The following PDSS2 variants were observed in gnomAD, a reference collection of about 807,000 sequenced individuals.
PDSS2 encodes the protein all trans-polyprenyl-diphosphate synthase PDSS2.
In PDSS2, 31 loss-of-function variants were observed where a neutral mutation model predicts 44.5. The observed-to-expected ratio is 0.70, with a 90% CI of 0.52 to 0.94. The LOEUF (loss-of-function observed/expected upper bound fraction) is 0.94. Among genes scored for constraint, PDSS2 ranks in the 40% least tolerant of loss-of-function variants. The pLI is 0.00. For missense variants in PDSS2, 452 were observed against 482.2 expected, an observed-to-expected ratio of 0.94 and a Z score of 0.59; for synonymous variants, 157 against 180.3, an observed-to-expected ratio of 0.87 and a Z score of 1.03.
intron 1 of PDSS2, among the ~76,000 whole-genome samples, chr6:107,444,559 T>C (rs1355791930): frequency 6.6e-6 from 1 of 152,166 alleles, no homozygotes; most frequent in Non-Finnish European, 1.5e-5. Flanking sequence ...CCTCAAATAT[T>C]TGTGGAATGA....
Position 107,396,681 on chromosome 6 carries a change from T to TC in PDSS2, c.296+62308_296+62309insG, listed in dbSNP as rs1554276009. ...TCTTTTTTTCCTCTTCTTTTTTCTT[T>TC]TTTTTTTTTTTTTTTTTTTGAGACA... On this transcript the variant is annotated intron_variant, in intron 1 of 7. Transcript: ENST00000369037. Among the ~76,000 whole-genome samples, 439 of 60,186 alleles carry TC rather than the reference T, an allele frequency of 7.3e-3. 11 individuals are homozygous for TC. The highest frequency in any genetic ancestry group is 0.021 in the Non-Finnish European group (327 of 15,696). 39.5% of individuals were successfully genotyped at this position (60,186 alleles called of 152,430 possible).
chr6:107,426,661 A>G (rs1338553817), intron 1 of PDSS2, among the ~76,000 whole-genome samples: 2 of 152,220 alleles, frequency 1.3e-5, no homozygotes, highest in African/African-American at 4.8e-5. Context: ...CCACAGGGGC[A>G]GAGCTGCCCA....
At chr6:107,163,706 G>A (rs1554247106) in intron 7 of PDSS2, among the ~76,000 whole-genome samples, 8 of 151,706 alleles carry the variant, frequency 5.3e-5, no homozygotes. Flanking sequence ...GGGTTCCAGC[G>A]ATTCTCCTGC....
At chr6:107,299,214 T>TCTCAGAA (rs1776617398) in intron 2 of PDSS2, among the ~76,000 whole-genome samples, 1 of 143,024 alleles carries the variant, frequency 7.0e-6, no homozygotes, top group South Asian at 2.2e-4. Flanking sequence ...AAAAAAACCC[T>TCTCAGAA]CTCAGAACAT....
intron 1 of PDSS2, among the ~76,000 whole-genome samples, chr6:107,395,758 T>C (rs540127275): frequency 1.4e-4 from 22 of 152,220 alleles, no homozygotes; most frequent in Non-Finnish European, 2.4e-4. Context: ...TAATTGGTTT[T>C]AATTTTGATT....
At chr6:107,341,066 C>G (rs2115284170) in intron 1 of PDSS2, among the ~76,000 whole-genome samples, 1 of 152,226 alleles carries the variant, frequency 6.6e-6, no homozygotes, top group South Asian at 2.1e-4. Context: ...TCCTGTTACT[C>G]TGGCAGGTGC....
intron 5 of PDSS2, among the ~76,000 whole-genome samples, chr6:107,210,988 CGTCTCAAAAAAAAAAAAAA>C (rs974260177): frequency 1.4e-4 from 20 of 142,278 alleles, no homozygotes; most frequent in East Asian, 1.4e-3. Flanking sequence ...AGCAAAACTC[CGTCTCAAAAAAAAAAAAAA>C]AAATTTCAGA....
intron 7 of PDSS2, among the ~76,000 whole-genome samples, chr6:107,173,761 C>T (rs987440941): frequency 4.6e-5 from 7 of 151,856 alleles, no homozygotes; most frequent in African/African-American, 1.5e-4. Context: ...ATAGGTAACA[C>T]ATGGATAGTA....
At chr6:107,216,855 T>G (rs901296726) in intron 4 of PDSS2, among the ~76,000 whole-genome samples, 12 of 152,060 alleles carry the variant, frequency 7.9e-5, no homozygotes, top group South Asian at 6.2e-4. Flanking sequence ...CTGTAAAATC[T>G]CAGAAATTTT....
intron 5 of PDSS2, among the ~76,000 whole-genome samples, chr6:107,211,165 A>G (rs1040110878): frequency 2.0e-4 from 30 of 152,002 alleles, no homozygotes; most frequent in Admixed American, 7.2e-4. Context: ...AAACTAATCT[A>G]AGATTAAATA....
At chr6:107,184,244 C>G (rs1399575735) in intron 7 of PDSS2, among the ~76,000 whole-genome samples, 1 of 151,988 alleles carries the variant, frequency 6.6e-6, no homozygotes, top group Non-Finnish European at 1.5e-5. Context: ...TTGCTAGGGT[C>G]ATGGGAAGGA....
At chr6:107,239,634 C>CTTTTTTTTTTTTTTT (rs1177940710) in intron 4 of PDSS2, among the ~76,000 whole-genome samples, 1 of 76,926 alleles carries the variant, frequency 1.3e-5, no homozygotes, top group Non-Finnish European at 2.3e-5. Context: ...TGTACTCTAC[C>CTTTTTTTTTTTTTTT]TTTTTTTTTT....
At chr6:107,364,409 C>A (rs182226933) in intron 1 of PDSS2, among the ~76,000 whole-genome samples, 1 of 149,936 alleles carries the variant, frequency 6.7e-6, no homozygotes, top group African/African-American at 2.4e-5. Flanking sequence ...AGCTAAGGCC[C>A]GGCGAGAAAT....
intron 3 of PDSS2, among the ~76,000 whole-genome samples, chr6:107,247,530 C>T (rs1221789700): frequency 1.3e-5 from 2 of 152,024 alleles, no homozygotes; most frequent in African/African-American, 4.8e-5. Context: ...CCAATGACAA[C>T]CCATTAAGGA....
chr6:107,167,311 G>T (rs1358536520), intron 7 of PDSS2, among the ~76,000 whole-genome samples: 1 of 152,112 alleles, frequency 6.6e-6, no homozygotes, highest in African/African-American at 2.4e-5. Context: ...ATTTCTGTGG[G>T]ATCAGTGGTG....
chr6:107,393,494 G>A (rs779133711), intron 1 of PDSS2, among the ~76,000 whole-genome samples: 2 of 152,110 alleles, frequency 1.3e-5, no homozygotes. Flanking sequence ...TTGGAGGCAT[G>A]TTCCATAAAT....
chr6:107,193,243 G>A (rs141591036), intron 7 of PDSS2, among the ~76,000 whole-genome samples: 1 of 152,312 alleles, frequency 6.6e-6, no homozygotes, highest in East Asian at 1.9e-4. Flanking sequence ...GCCTGCCCCT[G>A]TACTGCTCTC....
chr6:107,419,779 T>G (rs947643052), intron 1 of PDSS2, among the ~76,000 whole-genome samples: 7 of 152,246 alleles, frequency 4.6e-5, no homozygotes, highest in Admixed American at 6.5e-5. Context: ...TATAAACTAC[T>G]GACAGTCTTA....
rs184868865 is a variant in PDSS2, at chr6:107,432,559, G to C, written c.296+26431C>G. On this transcript the variant is annotated intron_variant, in intron 1 of 7. Coordinates refer to ENST00000369037, the MANE Select transcript of PDSS2 (RefSeq NM_020381.4). ...TGATCCAAGCACTTTGGGAGGCCAA[G>C]GCAGGCGGATCACTTGAGGCCAGGA... Among the ~76,000 whole-genome samples, 29 of 152,250 alleles carry C rather than the reference G, an allele frequency of 1.9e-4. No individual in the cohort carries two copies. In the East Asian group the frequency reaches 5.2e-3, roughly 27 times the overall value.
Sources: allele counts gnomAD v4.1 joint callset (sites outside exome capture counted in the v4.1 genomes callset), GRCh38; gene constraint gnomAD v4.1.1; transcripts MANE v1.5; gene names NCBI Gene and HGNC (gene_info 2026-07-23, HGNC 2026-07-21).